The following UNC13A variants were observed in gnomAD, a reference collection of about 807,000 sequenced individuals.
UNC13A encodes the protein protein unc-13 homolog A.
A neutral mutation model predicts 219.7 loss-of-function variants in UNC13A; 61 were observed. The ratio of observed to expected loss-of-function variants is 0.28; its 90% CI spans 0.23 to 0.34. UNC13A has a LOEUF of 0.34. UNC13A is among the 10% of genes least tolerant of loss of function. UNC13A has a pLI of 1.00. For synonymous variants in UNC13A, 920 were observed against 884.6 expected, an observed-to-expected ratio of 1.04 and a Z score of -0.71; for missense variants, 1,476 against 2,270.3, an observed-to-expected ratio of 0.65 and a Z score of 7.11.
At chr19:17,620,603 G>A (rs1193598887) in intron 38 of UNC13A, 90 bp downstream of exon 38, 21 of 1,292,412 alleles carry the variant, frequency 1.6e-5, no homozygotes, top group East Asian at 1.4e-4. Context: ...GCCCTCGGAC[G>A]GCACGAACCA....
rs1355260480 is a variant in UNC13A, at chr19:17,674,271, G to A, written c.152+386C>T. Among the ~76,000 whole-genome samples the A allele has an allele frequency of 1.3e-5, 2 of 152,212 alleles. No individual in the cohort carries two copies. The highest frequency in any genetic ancestry group is 2.9e-5 in the Non-Finnish European group (2 of 68,054). On this transcript the variant is annotated intron_variant, in intron 3 of 43. Transcript: ENST00000519716. This position sits in a 1 kb window ranked among gnomAD's most constrained non-coding sequence, Gnocchi z 5.0. ...AGGGAGATAGAGCGAGAACCTGGTG[G>A]GAATCACGGGGAAGGCTGTGGGTTT...
Position 17,629,301 on chromosome 19 carries a change from T to C in UNC13A, c.3692A>G (p.Gln1231Arg). The C allele has an allele frequency of 6.2e-7, 1 of 1,612,154 alleles. No individual in the cohort carries two copies. The highest frequency in any genetic ancestry group is 8.5e-7 in the Non-Finnish European group (1 of 1,179,270). Reference protein sequence around the residue: ...FAKTISNVLLQYADIISKDFA... With the variant: ...FAKTISNVLLRYADIISKDFA... ...GTCCTTGGAGATGATGTCTGCATACTGGAGGAGCACATTACTGATGGTCTG... is the reference window on the plus strand; with the variant it reads ...GTCCTTGGAGATGATGTCTGCATACCGGAGGAGCACATTACTGATGGTCTG... The change falls in exon 31 of 44, where the codon CAG becomes CGG. Residue 1231 changes from glutamine (Q) to arginine (R), a missense_variant. Physicochemically the swap from Gln to Arg is conservative, Grantham distance 43. Coordinates refer to ENST00000519716, the MANE Select transcript of UNC13A (RefSeq NM_001080421.3).
At chr19:17,608,455 A>C (rs948527292) in intron 43 of UNC13A, among the ~76,000 whole-genome samples, 1 of 139,774 alleles carries the variant, frequency 7.2e-6, no homozygotes, top group Admixed American at 7.8e-5. Flanking sequence ...ATTATATAAT[A>C]TAATATAAAT....
intron 38 of UNC13A, among the ~76,000 whole-genome samples, chr19:17,620,320 AT>A (rs1333811185): frequency 6.6e-6 from 1 of 152,136 alleles, no homozygotes; most frequent in Middle Eastern, 3.2e-3. Flanking sequence ...CCAGCTGGCC[AT>A]CTGGTCATTC....
chr19:17,649,667 C>T lies in UNC13A; in HGVS notation c.1440-80G>A. 1.3e-6 allele frequency: 2 copies of T among 1,530,148 alleles called. No individual in the cohort carries two copies. The highest frequency in any genetic ancestry group is 1.8e-6 in the Non-Finnish European group (2 of 1,105,400). 94.8% of individuals were successfully genotyped at this position (1,530,148 alleles called of 1,614,324 possible). A position where few individuals can be genotyped will look rare whatever the true frequency, so the allele number is the denominator to read the frequency against. ...GCCCTGGGGAGAACATTCAACCTCC[C>T]CCAGGTGTTAAGGGGTTGAATTGGG... is the stretch of plus-strand genomic sequence containing the variant. On this transcript the variant is annotated intron_variant, in intron 12 of 43. Transcript: ENST00000519716. This position sits in a 1 kb window ranked among gnomAD's most constrained non-coding sequence, Gnocchi z 4.4.
chr19:17,617,576 T>G, intron 41 of UNC13A, 126 bp downstream of exon 41: 5 of 1,385,890 alleles, frequency 3.6e-6, no homozygotes, highest in Non-Finnish European at 5.0e-6. Flanking sequence ...CTGGACTTGG[T>G]GCAGAGATGT....
chr19:17,665,200 C>T (rs1327070564), intron 7 of UNC13A, among the ~76,000 whole-genome samples: 2 of 42,508 alleles, frequency 4.7e-5, no homozygotes, highest in Non-Finnish European at 1.1e-4. Flanking sequence ...ACTCTATCTC[C>T]AAGAAAAAAA....
At chr19:17,684,927 T>C (rs2080081844) in intron 1 of UNC13A, among the ~76,000 whole-genome samples, 1 of 152,224 alleles carries the variant, frequency 6.6e-6, no homozygotes, top group South Asian at 2.1e-4. Flanking sequence ...TGTTTGCATG[T>C]GTACATGGAT....
intron 23 of UNC13A, 33 bp from the exon 24 acceptor site, chr19:17,639,558 G>T: frequency 1.2e-6 from 2 of 1,602,914 alleles, no homozygotes; most frequent in Non-Finnish European, 1.7e-6. Flanking sequence ...TGGGGTTATG[G>T]AAGAAGGCGT....
Position 17,642,057 on chromosome 19 carries a change from T to TCC in UNC13A, c.2473-502_2473-501insGG, listed in dbSNP as rs1181007831. The stretch of plus-strand genomic sequence containing the variant: ...ACATCCATCCATCCATCCATCCATC[T>TCC]ACCTATCTACCCATCTGACTATCAA... On this transcript the variant is annotated intron_variant, in intron 20 of 43. Coordinates refer to ENST00000519716, the MANE Select transcript of UNC13A (RefSeq NM_001080421.3). 4.8e-3 allele frequency among the ~76,000 whole-genome samples: 335 copies of TCC among 69,428 alleles called. 2 individuals carry two copies. The highest frequency in any genetic ancestry group is 0.047 in the Middle Eastern group (6 of 128). 45.5% of individuals were successfully genotyped at this position (69,428 alleles called of 152,430 possible).
intron 1 of UNC13A, among the ~76,000 whole-genome samples, chr19:17,684,233 G>A (rs142635221): frequency 9.2e-5 from 14 of 152,234 alleles, no homozygotes; most frequent in African/African-American, 3.4e-4. Flanking sequence ...TCTCCCTCCT[G>A]CTCATCTCCC....
Position 17,658,277 on chromosome 19 carries a change from A to G in UNC13A, c.560-8T>C, listed in dbSNP as rs1568263700. The G allele has an allele frequency of 1.2e-6, 2 of 1,608,740 alleles. No individual in the cohort carries two copies. The highest frequency in any genetic ancestry group is 4.5e-5 in the East Asian group (2 of 44,750). Reference sequence around the variant, plus strand: ...CACTGTCGGGGTCATCGTCTGGAAGAGAGAGGCGGTATGGGAAGAGGGTGA... The same window carrying G: ...CACTGTCGGGGTCATCGTCTGGAAGGGAGAGGCGGTATGGGAAGAGGGTGA... On this transcript the variant is annotated splice_region_variant and splice_polypyrimidine_tract_variant and intron_variant, in intron 8 of 43. Coordinates refer to ENST00000519716, the MANE Select transcript of UNC13A (RefSeq NM_001080421.3).
In UNC13A at chr19:17,601,543, C is replaced by CA; in HGVS notation, c.*4510dup. The CA allele has an allele frequency of 6.6e-6, 1 of 152,532 alleles. No individual in the cohort carries two copies. Among genetic ancestry groups the CA allele is most frequent in the South Asian group, 2.1e-4 (1 of 4,828 alleles). The allele number at this position is 152,532 out of a possible 1,614,324, so 9.4% of individuals were successfully genotyped here. A position where few individuals can be genotyped will look rare whatever the true frequency, so the allele number is the denominator to read the frequency against. On this transcript the variant is annotated 3_prime_UTR_variant, in exon 44 of 44. Transcript: ENST00000519716. ...CCGACGGGGTAGAATCAAAACAAAA[C>CA]AAAAAACAAACAACGTTTTGATTTC...
intron 1 of UNC13A, among the ~76,000 whole-genome samples, chr19:17,679,357 G>A (rs562472141): frequency 9.9e-5 from 15 of 152,008 alleles, no homozygotes; most frequent in Non-Finnish European, 5.9e-5. Flanking sequence ...CCAAGATCAC[G>A]CCATTGCACT....
Position 17,645,659 on chromosome 19 carries a change from C to T in UNC13A, c.2356+15G>A. 1 of 1,614,008 alleles carries T rather than the reference C, an allele frequency of 6.2e-7. No homozygotes were observed. Among genetic ancestry groups the T allele is most frequent in the Non-Finnish European group, 8.5e-7 (1 of 1,179,886 alleles). ...GGACCCGTCCCCACCCGCTTCAGAA[C>T]CCAGCTTCTCTCACCCAGGTTGTAC... is the stretch of plus-strand genomic sequence containing the variant. On this transcript the variant is annotated intron_variant, in intron 19 of 43. Coordinates refer to ENST00000519716, the MANE Select transcript of UNC13A (RefSeq NM_001080421.3).
intron 35 of UNC13A, 83 bp downstream of exon 35, chr19:17,624,746 C>A (rs1363667175): frequency 6.6e-7 from 1 of 1,510,464 alleles, no homozygotes; most frequent in Non-Finnish European, 8.9e-7. Flanking sequence ...TGTTCTTACC[C>A]CCCAGCCTCT....
At chr19:17,687,126 A>C (rs965159678) in intron 1 of UNC13A, among the ~76,000 whole-genome samples, 4 of 152,254 alleles carry the variant, frequency 2.6e-5, no homozygotes, top group Non-Finnish European at 4.4e-5. Context: ...CTCAAACGGG[A>C]GTGCCCAGAA....
chr19:17,652,225 G>C (rs1303686805), intron 12 of UNC13A, among the ~76,000 whole-genome samples: 2 of 152,026 alleles, frequency 1.3e-5, no homozygotes, highest in African/African-American at 2.4e-5. Context: ...TCTGCCTCTC[G>C]GGTTCAAGTA....
At chr19:17,665,288 G>C (rs1473119785) in intron 7 of UNC13A, among the ~76,000 whole-genome samples, 1 of 152,056 alleles carries the variant, frequency 6.6e-6, no homozygotes, top group African/African-American at 2.4e-5. Context: ...GTGTCAGCAG[G>C]TGGGAGCTCT....
Sources: allele counts gnomAD v4.1 joint callset (sites outside exome capture counted in the v4.1 genomes callset), GRCh38; gene constraint gnomAD v4.1.1; non-coding constraint Gnocchi (gnomAD v3.1); transcripts MANE v1.5; gene names NCBI Gene and HGNC (gene_info 2026-07-23, HGNC 2026-07-21).